Variants in EXOC6B observed in about 807,000 individuals in gnomAD.
EXOC6B encodes the protein SEC15 homolog B.
A neutral mutation model predicts 113.5 loss-of-function variants in EXOC6B; 54 were observed. The observed-to-expected ratio is 0.48, with a 90% confidence interval of 0.38 to 0.60. The LOEUF is 0.60. EXOC6B is among the 20% of genes least tolerant of loss of function. EXOC6B has a pLI of 0.00. For synonymous variants in EXOC6B, 357 were observed against 339.0 expected, an observed-to-expected ratio of 1.05 and a Z score of -0.58; for missense variants, 797 against 977.5, an observed-to-expected ratio of 0.82 and a Z score of 2.46.
rs115540540 is a variant in EXOC6B at position 72,349,637 on chromosome 2, G to A, written c.2123-14617C>T. 6.7e-3 allele frequency among the ~76,000 whole-genome samples: 1,025 copies of A among 152,310 alleles called. 12 individuals are homozygous for A. Among genetic ancestry groups the A allele is most frequent in the African/African-American group, 0.023 (955 of 41,562 alleles). On this transcript the variant is annotated intron_variant, in intron 19 of 21. Transcript: ENST00000272427. ...AGGGAGACACACTCAGATTCCATGA[G>A]GAGTGGACATGGAAGATTGCTATTC...
At chr2:72,343,680 T>G (rs975056561) in intron 19 of EXOC6B, among the ~76,000 whole-genome samples, 1 of 152,154 alleles carries the variant, frequency 6.6e-6, no homozygotes, top group Non-Finnish European at 1.5e-5. Flanking sequence ...GATAATTTTT[T>G]TCAGATATGT....
intron 21 of EXOC6B, chr2:72,182,802 AG>A: frequency 1.1e-6 from 1 of 905,848 alleles, no homozygotes; most frequent in Non-Finnish European, 1.4e-6. Flanking sequence ...CTCAGAGGCT[AG>A]GGATTTTAGT....
At chr2:72,637,185 AC>A (rs1672902580) in intron 6 of EXOC6B, among the ~76,000 whole-genome samples, 1 of 152,240 alleles carries the variant, frequency 6.6e-6, no homozygotes, top group African/African-American at 2.4e-5. Context: ...AATGAAAAAA[AC>A]ATTGCATTCA....
At chr2:72,596,784 G>A (rs1205070635) in intron 6 of EXOC6B, among the ~76,000 whole-genome samples, 1 of 151,658 alleles carries the variant, frequency 6.6e-6, no homozygotes, top group Non-Finnish European at 1.5e-5. Context: ...TGTTTAAAAA[G>A]GAGCTACTAG....
At chr2:72,663,667 A>G (rs923944620) in intron 6 of EXOC6B, among the ~76,000 whole-genome samples, 2 of 152,178 alleles carry the variant, frequency 1.3e-5, no homozygotes, top group African/African-American at 2.4e-5. Context: ...TGGAGATAGT[A>G]AAAAGATTAG....
chr2:72,497,587 C>G (rs1401715257), intron 13 of EXOC6B, among the ~76,000 whole-genome samples: 1 of 151,906 alleles, frequency 6.6e-6, no homozygotes, highest in African/African-American at 2.4e-5. Context: ...ACAATTATAC[C>G]ATTAGCTAAA....
At chr2:72,526,430 T>A (rs1048113705) in intron 8 of EXOC6B, among the ~76,000 whole-genome samples, 1 of 151,984 alleles carries the variant, frequency 6.6e-6, no homozygotes, top group African/African-American at 2.4e-5. Context: ...CTTTATAAAC[T>A]GAGAGCTATA....
intron 18 of EXOC6B, among the ~76,000 whole-genome samples, chr2:72,419,878 A>T (rs1027244522): frequency 2.6e-5 from 4 of 152,166 alleles, no homozygotes; most frequent in Non-Finnish European, 4.4e-5. Flanking sequence ...ATTTCTTCAG[A>T]TATTCTACTT....
intron 6 of EXOC6B, among the ~76,000 whole-genome samples, chr2:72,671,908 A>C (rs1440676165): frequency 6.6e-6 from 1 of 151,556 alleles, no homozygotes; most frequent in East Asian, 1.9e-4. Context: ...AAAGAGAAAG[A>C]AAGAAAGAAA....
intron 18 of EXOC6B, among the ~76,000 whole-genome samples, chr2:72,444,641 T>C (rs887536311): frequency 6.6e-6 from 1 of 152,252 alleles, no homozygotes; most frequent in Non-Finnish European, 1.5e-5. Context: ...TCTGTGCAAC[T>C]GCAGCCTAAA....
chr2:72,271,759 A>C (rs1684500620), intron 20 of EXOC6B, among the ~76,000 whole-genome samples: 1 of 152,120 alleles, frequency 6.6e-6, no homozygotes, highest in South Asian at 2.1e-4. Flanking sequence ...CAAGATCAAA[A>C]CTGCACCTGC....
At position 72,825,969 on chromosome 2, in the gene EXOC6B, C is replaced by T; in HGVS notation, c.-59G>A. 1.3e-6 allele frequency: 2 copies of T among 1,587,890 alleles called. No homozygotes were observed. Among genetic ancestry groups the T allele is most frequent in the Middle Eastern group, 1.7e-4 (1 of 5,998 alleles). On this transcript the variant is annotated 5_prime_UTR_variant, in exon 1 of 22. Transcript: ENST00000272427. The surrounding 1 kb of genome is among the most constrained non-coding windows in gnomAD (Gnocchi z 4.4). The stretch of plus-strand genomic sequence containing the variant: ...TCGGCTCGGCTCACCTTTTCCCTGC[C>T]CCACAATGCCGCTCCCACCACAGGC...
At chr2:72,605,228 G>A (rs1334494881) in intron 6 of EXOC6B, among the ~76,000 whole-genome samples, 1 of 150,386 alleles carries the variant, frequency 6.6e-6, no homozygotes, top group Non-Finnish European at 1.5e-5. Flanking sequence ...AGGTTGCAGT[G>A]AGCCGAGATG....
chr2:72,385,571 A>C (rs1055578465), intron 18 of EXOC6B, among the ~76,000 whole-genome samples: 5 of 152,158 alleles, frequency 3.3e-5, no homozygotes, highest in African/African-American at 1.2e-4. Flanking sequence ...AAAAGTGTGA[A>C]GAGAACCTAC....
intron 6 of EXOC6B, among the ~76,000 whole-genome samples, chr2:72,693,328 C>T (rs1677637762): frequency 6.6e-6 from 1 of 151,834 alleles, no homozygotes; most frequent in Admixed American, 6.6e-5. Context: ...CTCTGTCATC[C>T]AGGCTGGAGT....
intron 20 of EXOC6B, among the ~76,000 whole-genome samples, chr2:72,240,264 G>T (rs1254587787): frequency 6.6e-6 from 1 of 152,136 alleles, no homozygotes; most frequent in Non-Finnish European, 1.5e-5. Flanking sequence ...CAGGTCACAG[G>T]GGAAGGCCTT....
At chr2:72,717,159 T>G (rs1052722542) in intron 6 of EXOC6B, among the ~76,000 whole-genome samples, 3 of 152,200 alleles carry the variant, frequency 2.0e-5, no homozygotes, top group Non-Finnish European at 4.4e-5. Flanking sequence ...GGGAAATATC[T>G]GCATTCCCTG....
intron 19 of EXOC6B, among the ~76,000 whole-genome samples, chr2:72,379,117 T>C (rs185034362): frequency 7.0e-4 from 106 of 152,288 alleles, no homozygotes; most frequent in Admixed American, 1.4e-3. Context: ...CTGACTGTAA[T>C]ATACATGAGA....
intron 18 of EXOC6B, among the ~76,000 whole-genome samples, chr2:72,383,298 C>A (rs1302384410): frequency 6.6e-6 from 1 of 151,760 alleles, no homozygotes; most frequent in Non-Finnish European, 1.5e-5. Flanking sequence ...AATTTACAAG[C>A]AAATAAACAA....
Sources: allele counts gnomAD v4.1 joint callset (sites outside exome capture counted in the v4.1 genomes callset), GRCh38; gene constraint gnomAD v4.1.1; non-coding constraint Gnocchi (gnomAD v3.1); transcripts MANE v1.5; gene names NCBI Gene and HGNC (gene_info 2026-07-23, HGNC 2026-07-21).